TMEFF1: variants seen among roughly 807,000 people sequenced by gnomAD.
TMEFF1 encodes transmembrane protein with EGF like and two follistatin like domains 1.
Under a neutral mutation model 47.5 loss-of-function variants are expected in TMEFF1, and 20 were observed. The ratio of observed to expected loss-of-function variants is 0.42; its 90% CI spans 0.30 to 0.61. The LOEUF (loss-of-function observed/expected upper bound fraction) is 0.61. TMEFF1 is among the 20% of genes least tolerant of loss of function. TMEFF1 has a pLI of 0.19. For synonymous variants in TMEFF1, 162 were observed against 166.3 expected (o/e 0.97, Z 0.20); for missense variants, 411 against 471.1 (o/e 0.87, Z 1.18).
At chr9:100,534,512 C>T (rs968064329) in intron 5 of TMEFF1, among the ~76,000 whole-genome samples, 3 of 152,180 alleles carry the variant, frequency 2.0e-5, no homozygotes, top group East Asian at 1.9e-4. Flanking sequence ...ACCTCTGCTA[C>T]GCTTGGCAGT....
Position 100,576,683 on chromosome 9 carries a change from A to G in TMEFF1, c.*83A>G, listed in dbSNP as rs1839359832. ...TAAAGAATGGAAATATTTATTTCAG[A>G]GGCCTTATTTTTGGACATTTTTAGT... On this transcript the variant is annotated 3_prime_UTR_variant, in exon 10 of 10. Transcript: ENST00000374879. The G allele has an allele frequency of 6.6e-7, 1 of 1,513,160 alleles. No homozygotes were observed. The highest frequency in any genetic ancestry group is 1.4e-5 in the African/African-American group (1 of 71,322). 93.7% of individuals were successfully genotyped at this position (1,513,160 alleles called of 1,614,324 possible). A position where few individuals can be genotyped will look rare whatever the true frequency, so the allele number is the denominator to read the frequency against.
intron 5 of TMEFF1, among the ~76,000 whole-genome samples, chr9:100,541,680 T>C (rs1327521191): frequency 6.6e-6 from 1 of 152,112 alleles, no homozygotes; most frequent in African/African-American, 2.4e-5. Flanking sequence ...CTGGCCAGAT[T>C]TGGCAATTTC....
At chr9:100,548,724 T>C (rs1212985445) in intron 6 of TMEFF1, among the ~76,000 whole-genome samples, 7 of 152,216 alleles carry the variant, frequency 4.6e-5, no homozygotes. Context: ...CAAAATTTGG[T>C]ACATTATATT....
intron 1 of TMEFF1, among the ~76,000 whole-genome samples, chr9:100,479,090 G>A (rs1307707829): frequency 6.6e-6 from 1 of 152,192 alleles, no homozygotes; most frequent in East Asian, 1.9e-4. Flanking sequence ...GAATAAAAGT[G>A]AGTTTTTCTA....
At chr9:100,513,438 AC>A in intron 4 of TMEFF1, 105 bp downstream of exon 4, 1 of 1,373,840 alleles carries the variant, frequency 7.3e-7, no homozygotes, top group Non-Finnish European at 9.7e-7. Flanking sequence ...TAATTCACAT[AC>A]CATATAATTT....
At position 100,577,379 on chromosome 9, in the gene TMEFF1, T is replaced by C. The variant is rs1303975944; in HGVS notation, c.*779T>C. The C allele has an allele frequency of 6.6e-6, 1 of 152,558 alleles. No homozygotes were observed. Among genetic ancestry groups the C allele is most frequent in the Non-Finnish European group, 1.5e-5 (1 of 67,986 alleles). 9.5% of individuals were successfully genotyped at this position (152,558 alleles called of 1,614,324 possible). The stretch of plus-strand genomic sequence containing the variant: ...GTTTGTGAATAAAATACAAAAATGA[T>C]TGTTAATGATTGGTGCTCTTAAAGT... On this transcript the variant is annotated 3_prime_UTR_variant, in exon 10 of 10. Transcript: ENST00000374879.
At chr9:100,486,094 GA>G (rs1252535224) in intron 1 of TMEFF1, among the ~76,000 whole-genome samples, 2 of 151,226 alleles carry the variant, frequency 1.3e-5, no homozygotes, top group African/African-American at 4.9e-5. Flanking sequence ...TTAAAAAAGG[GA>G]AAAAACCCAC....
chr9:100,508,871 CAAA>C (rs35051442), intron 2 of TMEFF1, 131 bp from the exon 3 acceptor site: 411 of 972,710 alleles, frequency 4.2e-4, no homozygotes, highest in Admixed American at 6.8e-4. Flanking sequence ...CTTTTTAAGC[CAAA>C]AAAAAAAAAA....
In TMEFF1 at chr9:100,572,618, G is replaced by A. The variant is rs1426305571; in HGVS notation, c.1000G>A (p.Ala334Thr). 6.2e-7 allele frequency: 1 copy of A among 1,613,536 alleles called. No homozygotes were observed. Among genetic ancestry groups the A allele is most frequent in the Admixed American group, 1.7e-5 (1 of 59,968 alleles). The part of the protein sequence containing the change: ...RQKLTHVLIA[A>T]IIGAVQIAII... ...AAAGCTCACTCATGTTCTTATTGCA[G>A]CAATTATTGGAGCTGTACAGATTGC... The change falls in exon 9 of 10, where the codon GCA becomes ACA. Residue 334 changes from alanine to threonine, a missense_variant. Physicochemically the swap from Ala to Thr is moderately conservative, Grantham distance 58 (BLOSUM62 0). Transcript: ENST00000374879.
In TMEFF1 at chr9:100,518,596, TTATC is replaced by T. The variant is rs780780398; in HGVS notation, c.560+1828_560+1831del. 1.3e-3 allele frequency: 977 copies of T among 727,312 alleles called. 3 individuals carry two copies. Among genetic ancestry groups the T allele is most frequent in the Admixed American group, 2.3e-3 (36 of 15,952 alleles). The allele number at this position is 727,312 out of a possible 1,614,324, so 45.1% of individuals were successfully genotyped here. A position where few individuals can be genotyped will look rare whatever the true frequency, so the allele number is the denominator to read the frequency against. ...AATACGAAGGAAGCAGTTGGTATCT[TTATC>T]TAGAAAAAAGTGATTAAGCTAAAGT... On this transcript the variant is annotated intron_variant, in intron 5 of 9. Transcript: ENST00000374879.
intron 8 of TMEFF1, among the ~76,000 whole-genome samples, chr9:100,570,476 G>A (rs781569599): frequency 1.3e-5 from 2 of 152,084 alleles, no homozygotes; most frequent in South Asian, 2.1e-4. Flanking sequence ...CGAGGAAGAG[G>A]TCTAGCTTCA....
At chr9:100,516,810 A>G (rs1838082235) in intron 5 of TMEFF1, 39 bp downstream of exon 5, 6 of 1,600,536 alleles carry the variant, frequency 3.7e-6, no homozygotes, top group Non-Finnish European at 4.3e-6. Context: ...TTATTTAGAG[A>G]TTAATCATCA....
intron 5 of TMEFF1, among the ~76,000 whole-genome samples, chr9:100,527,264 C>G (rs1014572093): frequency 6.6e-6 from 1 of 152,232 alleles, no homozygotes; most frequent in South Asian, 2.1e-4. Flanking sequence ...GGAACAGCTC[C>G]GGTCTACAGC....
At chr9:100,488,767 G>A (rs189155941) in intron 1 of TMEFF1, among the ~76,000 whole-genome samples, 9 of 152,234 alleles carry the variant, frequency 5.9e-5, no homozygotes, top group South Asian at 2.1e-4. Flanking sequence ...TGGTAGAGCC[G>A]GGATGCTGGA....
At chr9:100,543,444 C>G (rs1838670725) in intron 5 of TMEFF1, among the ~76,000 whole-genome samples, 1 of 151,224 alleles carries the variant, frequency 6.6e-6, no homozygotes, top group South Asian at 2.1e-4. Flanking sequence ...TCATGGTGTT[C>G]TATTACTTAG....
chr9:100,486,298 A>G (rs1346281752), intron 1 of TMEFF1, among the ~76,000 whole-genome samples: 1 of 152,326 alleles, frequency 6.6e-6, no homozygotes, highest in East Asian at 1.9e-4. Context: ...GCTGGAGTGC[A>G]ATGACGTGAT....
intron 5 of TMEFF1, among the ~76,000 whole-genome samples, chr9:100,535,264 G>A (rs1456102573): frequency 6.6e-6 from 1 of 151,132 alleles, no homozygotes; most frequent in Non-Finnish European, 1.5e-5. Flanking sequence ...CTTCACCTTT[G>A]TGTTTTCTAC....
In TMEFF1 at chr9:100,473,956, T is replaced by G. The variant is rs915163842; in HGVS notation, c.196+216T>G. ...GTGGCCGTGGGTGCGTCCGAGTGTGTCGAGTGGCTGGGCGAGGGCGGCCCG... is the reference window on the plus strand; with the variant it reads ...GTGGCCGTGGGTGCGTCCGAGTGTGGCGAGTGGCTGGGCGAGGGCGGCCCG... On this transcript the variant is annotated intron_variant, in intron 1 of 9. Coordinates refer to ENST00000374879, the MANE Select transcript of TMEFF1 (RefSeq NM_003692.5). The surrounding 1 kb of genome is among the most constrained non-coding windows in gnomAD (Gnocchi z 5.4). Among the ~76,000 whole-genome samples, 14 of 150,980 alleles carry G rather than the reference T, an allele frequency of 9.3e-5. No homozygotes were observed. Among genetic ancestry groups the G allele is most frequent in the African/African-American group, 2.9e-4 (12 of 41,080 alleles).
intron 5 of TMEFF1, among the ~76,000 whole-genome samples, chr9:100,534,027 C>T (rs1037973715): frequency 1.3e-5 from 2 of 152,056 alleles, no homozygotes; most frequent in African/African-American, 4.8e-5. Context: ...TTTATCTATT[C>T]TTTTGAGCAA....
Sources: gnomAD v4.1 joint callset for allele counts (sites outside exome capture counted in the v4.1 genomes callset) on GRCh38, gnomAD v4.1.1 for gene constraint, Gnocchi (gnomAD v3.1) non-coding constraint, MANE v1.5 for transcripts, NCBI Gene and HGNC (gene_info 2026-07-23, HGNC 2026-07-21) for gene names.